SNTB1: variants seen among roughly 807,000 people sequenced by gnomAD.
SNTB1 encodes the protein beta-1-syntrophin.
A neutral mutation model predicts 48.9 loss-of-function variants in SNTB1; 36 were observed. That is an observed-to-expected ratio of 0.74 (90% CI 0.56 to 0.97). The LOEUF is 0.97. SNTB1 is among the 50% of genes least tolerant of loss of function. The pLI, the probability that SNTB1 is intolerant of heterozygous loss-of-function variation, is 0.00. For missense variants in SNTB1, 786 were observed against 703.4 expected (o/e 1.12, Z -1.33); for synonymous variants, 299 against 294.6 (o/e 1.01, Z -0.15).
chr8:120,722,215 T>A lies in SNTB1; in HGVS notation c.572-28307A>T, dbSNP rs1460240120. The stretch of plus-strand genomic sequence containing the variant: ...GTGCCACAATAAACATACGTGCACA[T>A]GTGTCTTTATAGTAGCATGATTTAT... On this transcript the variant is annotated intron_variant, in intron 1 of 6. Transcript: ENST00000517992. Among the ~76,000 whole-genome samples, 3 of 152,192 alleles carry A rather than the reference T, an allele frequency of 2.0e-5. No individual in the cohort carries two copies. In the East Asian group the frequency reaches 5.8e-4, roughly 29 times the overall value.
intron 1 of SNTB1, among the ~76,000 whole-genome samples, chr8:120,747,431 C>T (rs4871116): frequency 0.13 from 19,723 of 152,196 alleles, 1,666 homozygotes; most frequent in African/African-American, 0.23. Context: ...GCTAGGACTA[C>T]AGGCGTGCAC....
At chr8:120,700,952 T>A (rs1818300534) in intron 1 of SNTB1, among the ~76,000 whole-genome samples, 1 of 152,168 alleles carries the variant, frequency 6.6e-6, no homozygotes, top group Admixed American at 6.5e-5. Context: ...AAAAAATTCA[T>A]TGCTTTAGAG....
In SNTB1 at chr8:120,716,974, A is replaced by G. The variant is rs1222118318; in HGVS notation, c.572-23066T>C. Among the ~76,000 whole-genome samples, 3 of 152,248 alleles carry G rather than the reference A, an allele frequency of 2.0e-5. No individual in the cohort carries two copies. In the East Asian group the frequency reaches 5.8e-4, roughly 29 times the overall value. On this transcript the variant is annotated intron_variant, in intron 1 of 6. Transcript: ENST00000517992. The stretch of plus-strand genomic sequence containing the variant: ...CAAATGAGCTACTCCTCTCTGCAGA[A>G]ATCCTTAAGTTCCCCAGAAGTGATC...
At chr8:120,564,564 G>GTTTTTTTTTTTTT (rs71306893) in intron 4 of SNTB1, among the ~76,000 whole-genome samples, 1 of 84,210 alleles carries the variant, frequency 1.2e-5, no homozygotes, top group Non-Finnish European at 2.1e-5. Flanking sequence ...TATTATTCTG[G>GTTTTTTTTTTTTT]TTTTTTTTTT....
At chr8:120,739,036 C>A (rs1818999086) in intron 1 of SNTB1, among the ~76,000 whole-genome samples, 1 of 152,132 alleles carries the variant, frequency 6.6e-6, no homozygotes. Context: ...GTGAGATGGG[C>A]ATAGCAATGA....
chr8:120,744,062 T>G (rs79128310), intron 1 of SNTB1, among the ~76,000 whole-genome samples: 19,706 of 150,924 alleles, frequency 0.13, 1,673 homozygotes, highest in African/African-American at 0.24. Context: ...CCTAGGAGTT[T>G]GAGGCTGCAG....
intron 2 of SNTB1, among the ~76,000 whole-genome samples, chr8:120,639,779 T>C (rs1416863898): frequency 6.6e-6 from 1 of 152,260 alleles, no homozygotes; most frequent in Non-Finnish European, 1.5e-5. Context: ...TTGGTTACTA[T>C]AGCCTTGTAG....
At chr8:120,657,669 C>T (rs1817524345) in intron 2 of SNTB1, among the ~76,000 whole-genome samples, 1 of 152,188 alleles carries the variant, frequency 6.6e-6, no homozygotes, top group South Asian at 2.1e-4. Flanking sequence ...TACAATCTCT[C>T]ATTATGTCAG....
chr8:120,784,288 C>T (rs925356711), intron 1 of SNTB1, among the ~76,000 whole-genome samples: 1 of 149,884 alleles, frequency 6.7e-6, no homozygotes, highest in Non-Finnish European at 1.5e-5. Flanking sequence ...GGTACTGTGC[C>T]CAGCCTGCAC....
chr8:120,570,172 G>A (rs776981672), intron 4 of SNTB1: 4 of 152,188 alleles, frequency 2.6e-5, no homozygotes, highest in Non-Finnish European at 5.9e-5. Context: ...CAAAAGAGGG[G>A]AGACTCCTGG....
At chr8:120,789,977 C>A (rs952321641) in intron 1 of SNTB1, among the ~76,000 whole-genome samples, 1 of 151,802 alleles carries the variant, frequency 6.6e-6, no homozygotes, top group Non-Finnish European at 1.5e-5. Flanking sequence ...AATATAGATA[C>A]AAAAATCCTC....
chr8:120,708,987 C>A (rs1432792616), intron 1 of SNTB1, among the ~76,000 whole-genome samples: 1 of 151,102 alleles, frequency 6.6e-6, no homozygotes, highest in Non-Finnish European at 1.5e-5. Context: ...TGCTAAATGA[C>A]AAGAAGAAGC....
intron 2 of SNTB1, among the ~76,000 whole-genome samples, chr8:120,635,041 G>T (rs1483150008): frequency 6.6e-6 from 1 of 152,056 alleles, no homozygotes; most frequent in Non-Finnish European, 1.5e-5. Flanking sequence ...TTTTAGTAGA[G>T]ACGGGGTTTC....
chr8:120,799,605 G>T (rs1437572349), intron 1 of SNTB1, among the ~76,000 whole-genome samples: 1 of 151,748 alleles, frequency 6.6e-6, no homozygotes, highest in Non-Finnish European at 1.5e-5. Flanking sequence ...TAAAAATGAA[G>T]GAAAAGTGGA....
chr8:120,649,529 G>C (rs1479349386), intron 2 of SNTB1, among the ~76,000 whole-genome samples: 1 of 141,742 alleles, frequency 7.1e-6, no homozygotes, highest in Non-Finnish European at 1.5e-5. Flanking sequence ...CCCGTTCTCA[G>C]ATCTCCAGCT....
chr8:120,674,498 A>G (rs1234326331), intron 2 of SNTB1, among the ~76,000 whole-genome samples: 1 of 152,222 alleles, frequency 6.6e-6, no homozygotes, highest in Non-Finnish European at 1.5e-5. Flanking sequence ...TAAGGAGTTG[A>G]GGCATTGAGA....
At chr8:120,789,277 A>G (rs2130148472) in intron 1 of SNTB1, among the ~76,000 whole-genome samples, 1 of 152,110 alleles carries the variant, frequency 6.6e-6, no homozygotes, top group Non-Finnish European at 1.5e-5. Context: ...ACAAAATGCC[A>G]TCCAGAGAGT....
intron 4 of SNTB1, among the ~76,000 whole-genome samples, chr8:120,564,857 C>T (rs1448985471): frequency 6.6e-6 from 1 of 152,134 alleles, no homozygotes; most frequent in African/African-American, 2.4e-5. Context: ...AGGTGTGAGC[C>T]ACTGCGCCCA....
intron 2 of SNTB1, chr8:120,655,019 C>T (rs866087721): frequency 2.2e-6 from 1 of 455,752 alleles, no homozygotes. Flanking sequence ...TTCCTCAAAT[C>T]TGTGATTCCT....
Sources: allele counts gnomAD v4.1 joint callset (sites outside exome capture counted in the v4.1 genomes callset), GRCh38; gene constraint gnomAD v4.1.1; transcripts MANE v1.5; gene names NCBI Gene and HGNC (gene_info 2026-07-23, HGNC 2026-07-21).